METTL4: variants seen among roughly 807,000 people sequenced by gnomAD.
The protein encoded by METTL4 is methyltransferase 4, N6-adenosine, also known as N(6)-adenine-specific methyltransferase METTL4.
In METTL4, 40 loss-of-function variants were observed where a neutral mutation model predicts 54.0. The observed-to-expected ratio is 0.74, with a 90% CI of 0.58 to 0.96. The LOEUF (loss-of-function observed/expected upper bound fraction) is 0.96, where lower values mean the gene tolerates loss of function less well. METTL4 is among the 50% of genes least tolerant of loss of function. The pLI is 0.00. For synonymous variants in METTL4, 169 were observed against 183.8 expected (o/e 0.92, Z 0.65); for missense variants, 525 against 549.0 (o/e 0.96, Z 0.44).
chr18:2,563,071 T>C (rs908369611), intron 3 of METTL4, among the ~76,000 whole-genome samples: 3 of 152,186 alleles, frequency 2.0e-5, no homozygotes, highest in Non-Finnish European at 4.4e-5. Flanking sequence ...AATATTTGTG[T>C]TCATTCTGTT....
Position 2,547,489 on chromosome 18 carries a change from T to C in METTL4, c.940A>G (p.Ile314Val), listed in dbSNP as rs1413199828. Reference sequence around the variant, plus strand: ...CAGTTTGGAGCAGCCAATTTAGGGATAGGTATTTGCTGTATTTGCAGGGGT... The same window carrying C: ...CAGTTTGGAGCAGCCAATTTAGGGACAGGTATTTGCTGTATTTGCAGGGGT... ...LSPLQIQQIP[I>V]PKLAAPNCLL... The change falls in exon 6 of 9, where the codon ATC (isoleucine) becomes GTC (valine). Residue 314 changes from isoleucine to valine, a missense_variant. Coordinates refer to ENST00000574538, the MANE Select transcript of METTL4 (RefSeq NM_022840.5). 9 of 1,610,102 alleles carry C rather than the reference T, an allele frequency of 5.6e-6. No individual in the cohort carries two copies. The highest frequency in any genetic ancestry group is 3.4e-5 in the Admixed American group (2 of 59,168).
intron 5 of METTL4, among the ~76,000 whole-genome samples, chr18:2,550,854 T>C (rs1420306638): frequency 1.3e-5 from 2 of 152,144 alleles, no homozygotes; most frequent in African/African-American, 2.4e-5. Flanking sequence ...CTGTACATAA[T>C]AGTGCCAAAT....
At chr18:2,559,397 A>G (rs1221963493) in intron 3 of METTL4, among the ~76,000 whole-genome samples, 1 of 152,150 alleles carries the variant, frequency 6.6e-6, no homozygotes, top group East Asian at 1.9e-4. Flanking sequence ...GGTATAGGCA[A>G]ATTCACAGAG....
At chr18:2,547,924 C>T (rs1463878477) in intron 5 of METTL4, among the ~76,000 whole-genome samples, 1 of 152,122 alleles carries the variant, frequency 6.6e-6, no homozygotes, top group African/African-American at 2.4e-5. Context: ...CTAAGTCAAA[C>T]CATACAAGCC....
At chr18:2,568,183 G>A (rs184520063) in intron 1 of METTL4, among the ~76,000 whole-genome samples, 1 of 152,296 alleles carries the variant, frequency 6.6e-6, no homozygotes, top group Admixed American at 6.5e-5. Flanking sequence ...ATGTACATTG[G>A]TTTTCATCCA....
chr18:2,538,481 G>C lies in METTL4; in HGVS notation c.*519C>G. 6.5e-6 allele frequency: 1 copy of C among 153,434 alleles called. No homozygotes were observed. The highest frequency in any genetic ancestry group is 2.4e-5 in the African/African-American group (1 of 41,598). The allele number at this position is 153,434 out of a possible 1,614,324, so 9.5% of individuals were successfully genotyped here. ...GGCAGTGGTACTGTGGCAAAGTGGA[G>C]AGCACAAGGCTCTTCCCAAGTGAGC... On this transcript the variant is annotated 3_prime_UTR_variant, in exon 9 of 9. Coordinates refer to ENST00000574538, the MANE Select transcript of METTL4 (RefSeq NM_022840.5).
chr18:2,567,780 C>T (rs2072443513), intron 1 of METTL4, 126 bp from the exon 2 acceptor site: 1 of 152,262 alleles, frequency 6.6e-6, no homozygotes, highest in South Asian at 2.1e-4. Flanking sequence ...TTTTTGCAAA[C>T]TACACTTGTC....
At chr18:2,546,297 C>G (rs1415456145) in intron 6 of METTL4, among the ~76,000 whole-genome samples, 1 of 151,974 alleles carries the variant, frequency 6.6e-6, no homozygotes, top group Non-Finnish European at 1.5e-5. Context: ...AGAGAGAGAC[C>G]ACATTCACAT....
At position 2,537,666 on chromosome 18, in the gene METTL4, T is replaced by C; in HGVS notation, c.*1334A>G. The C allele has an allele frequency of 2.6e-6, 1 of 388,066 alleles. No individual in the cohort carries two copies. The highest frequency in any genetic ancestry group is 4.5e-6 in the Non-Finnish European group (1 of 219,894). The allele number at this position is 388,066 out of a possible 1,614,324, so 24.0% of individuals were successfully genotyped here. A position where few individuals can be genotyped will look rare whatever the true frequency, so the allele number is the denominator to read the frequency against. ...ATGAACAAACTTCAAAAATAACATA[T>C]TTTTCTTTGACAAAATCAGTAAATT... is the stretch of plus-strand genomic sequence containing the variant. On this transcript the variant is annotated 3_prime_UTR_variant, in exon 9 of 9. Transcript: ENST00000574538.
chr18:2,570,952 G>C lies in METTL4; in HGVS notation c.-439+197C>G, dbSNP rs146238461. 1.9e-3 allele frequency among the ~76,000 whole-genome samples: 284 copies of C among 152,162 alleles called. 1 individual carries two copies. The highest frequency in any genetic ancestry group is 6.5e-3 in the African/African-American group (268 of 41,492). On this transcript the variant is annotated intron_variant, in intron 1 of 8. Coordinates refer to ENST00000574538, the MANE Select transcript of METTL4 (RefSeq NM_022840.5). ...TGTTGTTAGTGCACCCCTCTCCTGC[G>C]TCTCTGCTTCACATCCACTCCCTCG...
intron 6 of METTL4, among the ~76,000 whole-genome samples, chr18:2,546,157 C>T (rs2072066830): frequency 6.6e-6 from 1 of 152,024 alleles, no homozygotes; most frequent in African/African-American, 2.4e-5. Context: ...TGTCAAGTCC[C>T]ATAACATAGG....
At chr18:2,547,110 T>C (rs16943417) in intron 6 of METTL4, among the ~76,000 whole-genome samples, 60,840 of 151,962 alleles carry the variant, frequency 0.4, 12,762 homozygotes, top group East Asian at 0.63. Flanking sequence ...TTAAAAATTT[T>C]ATCCTGATAT....
chr18:2,553,627 A>C (rs1190252026), intron 4 of METTL4: 1 of 152,178 alleles, frequency 6.6e-6, no homozygotes, highest in Non-Finnish European at 1.5e-5. Flanking sequence ...TGTCAGATGG[A>C]AATTCTCTAG....
At chr18:2,539,262 T>A (rs2071957535) in intron 8 of METTL4, 117 bp from the exon 9 acceptor site, 3 of 839,848 alleles carry the variant, frequency 3.6e-6, no homozygotes, top group South Asian at 3.6e-5. Flanking sequence ...AGACAGCAAA[T>A]TAATTTCAAG....
intron 4 of METTL4, chr18:2,553,597 C>T (rs1345367352): frequency 2.0e-5 from 3 of 152,132 alleles, no homozygotes. Context: ...ACTATTTTGA[C>T]ATCCAATTAT....
chr18:2,555,947 G>C (rs577420289), intron 3 of METTL4, among the ~76,000 whole-genome samples: 1 of 152,178 alleles, frequency 6.6e-6, no homozygotes, highest in East Asian at 1.9e-4. Context: ...CCTTCAGAAA[G>C]TTCCCAGGCA....
rs16943442 is a variant in METTL4 at position 2,554,837 on chromosome 18, A to G, written c.661T>C (p.Leu221=). The G allele has an allele frequency of 0.052, 83,318 of 1,613,732 alleles. 3,966 individuals carry two copies. Among genetic ancestry groups the G allele is most frequent in the African/African-American group, 0.24 (17,740 of 74,968 alleles). Residue 221 remains leucine (L), a synonymous_variant, in exon 4 of 9, where the codon TTG becomes CTG. Transcript: ENST00000574538. ...LNEMEHQTLQ[L]VEEDTSVTEQ... ...GTAACAGATGTATCCTCTTCCACCAATTGTAATGTCTGATGTTCCATTTCA... is the reference window on the plus strand; with the variant it reads ...GTAACAGATGTATCCTCTTCCACCAGTTGTAATGTCTGATGTTCCATTTCA...
chr18:2,546,716 A>C (rs1038096433), intron 6 of METTL4, among the ~76,000 whole-genome samples: 19 of 152,170 alleles, frequency 1.2e-4, no homozygotes, highest in African/African-American at 4.1e-4. Flanking sequence ...ATGAACTCTA[A>C]ATTGATGCCT....
chr18:2,546,453 T>A (rs1162069186), intron 6 of METTL4, among the ~76,000 whole-genome samples: 1 of 152,104 alleles, frequency 6.6e-6, no homozygotes, highest in Non-Finnish European at 1.5e-5. Context: ...GTTTCAGGCA[T>A]CCATTAGGGG....
Sources: allele counts gnomAD v4.1 joint callset (sites outside exome capture counted in the v4.1 genomes callset), GRCh38; gene constraint gnomAD v4.1.1; transcripts MANE v1.5; gene names NCBI Gene and HGNC (gene_info 2026-07-23, HGNC 2026-07-21).